The following NOCT variants were observed in gnomAD, a reference collection of about 807,000 sequenced individuals.
The protein encoded by NOCT is nocturnin, also known as CCR4 carbon catabolite repression 4-like.
Under a neutral mutation model 35.0 loss-of-function variants are expected in NOCT, and 18 were observed. That is an observed-to-expected ratio of 0.51 (90% CI 0.36 to 0.76). The LOEUF (loss-of-function observed/expected upper bound fraction) is 0.76, where lower values mean the gene tolerates loss of function less well. Ranked by LOEUF, NOCT falls within the 30% of genes least tolerant of loss-of-function variation. The pLI is 0.01. For synonymous variants in NOCT, 235 were observed against 226.3 expected, an observed-to-expected ratio of 1.04 and a Z score of -0.34; for missense variants, 479 against 541.0, an observed-to-expected ratio of 0.89 and a Z score of 1.14.
At chr4:139,024,045 C>CTTTTTTTTTTTT (rs368349308) in intron 1 of NOCT, among the ~76,000 whole-genome samples, 1 of 130,998 alleles carries the variant, frequency 7.6e-6, no homozygotes. Flanking sequence ...TCTATTCATC[C>CTTTTTTTTTTTT]TTTTTTTTTT....
chr4:139,028,232 T>C (rs1366901286), intron 1 of NOCT: 2 of 152,288 alleles, frequency 1.3e-5, no homozygotes, highest in Non-Finnish European at 2.9e-5. Flanking sequence ...GCATTTATCA[T>C]GGAGGGGATT....
Position 139,015,824 on chromosome 4 carries a change from T to C in NOCT, c.-158T>C. 2 of 521,690 alleles carry C rather than the reference T, an allele frequency of 3.8e-6. No homozygotes were observed. Among genetic ancestry groups the C allele is most frequent in the Non-Finnish European group, 2.9e-6 (1 of 349,468 alleles). The allele number at this position is 521,690 out of a possible 1,614,324, so 32.3% of individuals were successfully genotyped here. On this transcript the variant is annotated 5_prime_UTR_variant, in exon 1 of 3. Transcript: ENST00000280614. ...GGTGTTGCACCTCCCTCTCCGGCTC[T>C]GCTGCCCGGGATTTCCCCAGAACCT... is the stretch of plus-strand genomic sequence containing the variant.
At chr4:139,040,903 A>C (rs1407869481) in intron 1 of NOCT, among the ~76,000 whole-genome samples, 1 of 152,092 alleles carries the variant, frequency 6.6e-6, no homozygotes, top group Non-Finnish European at 1.5e-5. Context: ...AACCTACAGG[A>C]AGTAAAAAAA....
At chr4:139,044,462 T>A (rs534713359) in intron 2 of NOCT, among the ~76,000 whole-genome samples, 177 bp from the exon 3 acceptor site, 1 of 152,206 alleles carries the variant, frequency 6.6e-6, no homozygotes, top group South Asian at 2.1e-4. Context: ...GTTTGCTTCA[T>A]CCACATAGTG....
intron 1 of NOCT, among the ~76,000 whole-genome samples, chr4:139,030,288 G>A (rs1288985382): frequency 6.6e-6 from 1 of 152,162 alleles, no homozygotes. Flanking sequence ...GCAGGTAACT[G>A]GTTACAGCAA....
At chr4:139,040,210 T>TG (rs1246464570) in intron 1 of NOCT, among the ~76,000 whole-genome samples, 1 of 150,010 alleles carries the variant, frequency 6.7e-6, no homozygotes, top group Non-Finnish European at 1.5e-5. Context: ...TTTTTTTTTT[T>TG]TTGTATTTTT....
At chr4:139,027,378 A>C (rs953690695) in intron 1 of NOCT, among the ~76,000 whole-genome samples, 7 of 151,980 alleles carry the variant, frequency 4.6e-5, no homozygotes, top group Non-Finnish European at 7.4e-5. Context: ...GAGGTTGGCA[A>C]ACTTTTTCCA....
At chr4:139,031,342 G>T (rs1365959823) in intron 1 of NOCT, among the ~76,000 whole-genome samples, 3 of 152,012 alleles carry the variant, frequency 2.0e-5, no homozygotes, top group South Asian at 4.1e-4. Flanking sequence ...GTAGAGACGG[G>T]GTTTCACCAT....
intron 1 of NOCT, among the ~76,000 whole-genome samples, chr4:139,021,192 G>T (rs756563442): frequency 1.5e-4 from 23 of 152,010 alleles, no homozygotes; most frequent in Non-Finnish European, 3.2e-4. Flanking sequence ...TTGTCGAGAC[G>T]GGTTTTGCCG....
At chr4:139,018,478 A>G (rs141448303) in intron 1 of NOCT, among the ~76,000 whole-genome samples, 32 of 152,358 alleles carry the variant, frequency 2.1e-4, no homozygotes, top group African/African-American at 7.5e-4. Context: ...TTTTACAGAT[A>G]AGGAAATTGA....
chr4:139,031,736 G>A (rs1726628195), intron 1 of NOCT, among the ~76,000 whole-genome samples: 1 of 151,860 alleles, frequency 6.6e-6, no homozygotes, highest in Admixed American at 6.6e-5. Context: ...GTTTTAGAGG[G>A]AGTCTCACTC....
Position 139,026,874 on chromosome 4 carries a change from T to TAGACAGGGTC in NOCT, c.190+10703_190+10704insAGACAGGGTC, listed in dbSNP as rs1726527942. On this transcript the variant is annotated intron_variant, in intron 1 of 2. Coordinates refer to ENST00000280614, the MANE Select transcript of NOCT (RefSeq NM_012118.4). ...GCCTTTTTTTTTTCTTTTTTTTTTT[T>TAGACAGGGTC]TTTTTTTTTTTTTTTTTTTGAGACG... Among the ~76,000 whole-genome samples the TAGACAGGGTC allele has an allele frequency of 5.0e-3, 5 of 996 alleles. 2 individuals are homozygous for TAGACAGGGTC. The highest frequency in any genetic ancestry group is 0.037 in the Admixed American group (2 of 54). The allele number at this position is 996 out of a possible 152,430, so 0.7% of individuals were successfully genotyped here.
At position 139,015,998 on chromosome 4, in the gene NOCT, G is replaced by A; in HGVS notation, c.17G>A (p.Arg6Gln). The stretch of plus-strand genomic sequence containing the variant: ...GCGCCCGGCATGTTTCATAGTCCGC[G>A]GCGGCTCTGCTCGGCCCTGCTGCAG... Reference protein sequence around the residue: MFHSPRRLCSALLQRD... With the variant: MFHSPQRLCSALLQRD... Residue 6 changes from arginine to glutamine, a missense_variant, in exon 1 of 3, where the codon CGG (arginine) becomes CAG (glutamine). By Grantham distance (43) the Arg-to-Gln change is conservative. Coordinates refer to ENST00000280614, the MANE Select transcript of NOCT (RefSeq NM_012118.4). The A allele has an allele frequency of 7.2e-7, 1 of 1,386,394 alleles. No individual in the cohort carries two copies. Among genetic ancestry groups the A allele is most frequent in the Non-Finnish European group, 9.3e-7 (1 of 1,072,118 alleles). 85.9% of individuals were successfully genotyped at this position (1,386,394 alleles called of 1,614,324 possible).
intron 1 of NOCT, among the ~76,000 whole-genome samples, chr4:139,023,355 G>A (rs996292327): frequency 2.0e-5 from 3 of 152,154 alleles, no homozygotes; most frequent in African/African-American, 7.2e-5. Context: ...TAATACCTGG[G>A]ATATAATACT....
At position 139,015,920 on chromosome 4, in the gene NOCT, C is replaced by T. The variant is rs993065641; in HGVS notation, c.-62C>T. 1 of 1,249,314 alleles carries T rather than the reference C, an allele frequency of 8.0e-7. No homozygotes were observed. Among genetic ancestry groups the T allele is most frequent in the African/African-American group, 1.6e-5 (1 of 63,010 alleles). The allele number at this position is 1,249,314 out of a possible 1,614,324, so 77.4% of individuals were successfully genotyped here. A position where few individuals can be genotyped will look rare whatever the true frequency, so the allele number is the denominator to read the frequency against. On this transcript the variant is annotated 5_prime_UTR_variant, in exon 1 of 3. Coordinates refer to ENST00000280614, the MANE Select transcript of NOCT (RefSeq NM_012118.4). Reference sequence around the variant, plus strand: ...GACAGTCGGCTCGACTCGGTGCCCTCGGCCCCAGCCGGGCTCCGCTCCTCG... The same window carrying T: ...GACAGTCGGCTCGACTCGGTGCCCTTGGCCCCAGCCGGGCTCCGCTCCTCG...
chr4:139,043,195 C>T lies in NOCT; in HGVS notation c.312C>T (p.Pro104=), dbSNP rs921091404. 6.2e-6 allele frequency: 10 copies of T among 1,614,176 alleles called. No individual in the cohort carries two copies. Among genetic ancestry groups the T allele is most frequent in the Non-Finnish European group, 8.5e-6 (10 of 1,180,032 alleles). Residue 104 remains proline, a synonymous_variant, in exon 2 of 3, where the codon CCC becomes CCT. Transcript: ENST00000280614. Reference sequence around the variant, plus strand: ...CACCTGACCCAGAGCATCTGGAGCCCATTGATCCTAAAGAGCTTCTTGAGG... The same window carrying T: ...CACCTGACCCAGAGCATCTGGAGCCTATTGATCCTAAAGAGCTTCTTGAGG... The part of the protein sequence containing the change: ...LVSPDPEHLE[P]IDPKELLEEC...
rs1364901306 is a variant in NOCT, at chr4:139,016,206, C to A, written c.190+35C>A. On this transcript the variant is annotated intron_variant, in intron 1 of 2. Coordinates refer to ENST00000280614, the MANE Select transcript of NOCT (RefSeq NM_012118.4). ...CCCCAGTTCCGGGCGGAGAACGCCA[C>A]GGCCGCCAACGCGCGGCCGCCACCT... 23 of 1,203,990 alleles carry A rather than the reference C, an allele frequency of 1.9e-5. 1 individual carries two copies. Among genetic ancestry groups the A allele is most frequent in the East Asian group, 1.3e-4 (4 of 30,528 alleles). The allele number at this position is 1,203,990 out of a possible 1,614,324, so 74.6% of individuals were successfully genotyped here. A position where few individuals can be genotyped will look rare whatever the true frequency, so the allele number is the denominator to read the frequency against.
At chr4:139,019,275 A>G (rs1183528548) in intron 1 of NOCT, among the ~76,000 whole-genome samples, 1 of 152,074 alleles carries the variant, frequency 6.6e-6, no homozygotes, top group Non-Finnish European at 1.5e-5. Flanking sequence ...GCTCGTCTCA[A>G]ACTCCCCAGC....
chr4:139,023,417 A>G (rs1726451572), intron 1 of NOCT, among the ~76,000 whole-genome samples: 1 of 152,218 alleles, frequency 6.6e-6, no homozygotes, highest in Non-Finnish European at 1.5e-5. Context: ...TTATCATTGA[A>G]GGTCTGCTGA....
Sources: gnomAD v4.1 joint callset for allele counts (sites outside exome capture counted in the v4.1 genomes callset) on GRCh38, gnomAD v4.1.1 for gene constraint, MANE v1.5 for transcripts, NCBI Gene and HGNC (gene_info 2026-07-23, HGNC 2026-07-21) for gene names.